Variants in ROBO2 observed in about 807,000 individuals in gnomAD.
ROBO2 encodes the protein roundabout homolog 2.
In ROBO2, 53 loss-of-function variants were observed where a neutral mutation model predicts 160.8. The ratio of observed to expected loss-of-function variants is 0.33; its 90% CI spans 0.26 to 0.41. The LOEUF is 0.41. ROBO2 is among the 10% of genes least tolerant of loss of function. ROBO2 has a pLI of 1.00. For missense variants in ROBO2, 1,577 were observed against 1,722.4 expected (o/e 0.92, Z 1.49); for synonymous variants, 664 against 611.7 (o/e 1.09, Z -1.26).
chr3:77,577,456 T>G (rs2153672888), intron 14 of ROBO2, 34 bp from the exon 16 acceptor site: 1 of 1,612,936 alleles, frequency 6.2e-7, no homozygotes, highest in Admixed American at 1.7e-5. Flanking sequence ...CCAAGGCTTA[T>G]AGTTTGCATT....
chr3:76,371,257 G>C (rs2076084849), intron 2 of ROBO2, among the ~76,000 whole-genome samples: 1 of 151,912 alleles, frequency 6.6e-6, no homozygotes, highest in Non-Finnish European at 1.5e-5. Context: ...AACCTTCTTT[G>C]GGTATCATGT....
At position 77,512,748 on chromosome 3, in the gene ROBO2, G is replaced by A. The variant is rs9879585; in HGVS notation, c.807-10027G>A. ...TTTCTGAAAGAGTCTGAAAGGTATA[G>A]GTTGACCTTCGGCTATTTGAATTGA... On this transcript the variant is annotated intron_variant, in intron 5 of 25. Coordinates refer to ENST00000461745, the Ensembl canonical transcript of ROBO2. Among the ~76,000 whole-genome samples the A allele has an allele frequency of 7.0e-3, 1,071 of 151,988 alleles. 6 individuals carry two copies. Among genetic ancestry groups the A allele is most frequent in the Non-Finnish European group, 0.01 (688 of 67,900 alleles).
chr3:76,264,201 C>T (rs542145677), intron 2 of ROBO2, among the ~76,000 whole-genome samples: 1 of 151,940 alleles, frequency 6.6e-6, no homozygotes, highest in African/African-American at 2.4e-5. Flanking sequence ...CAAACCTTCA[C>T]GTTCTGCACT....
chr3:77,172,000 GT>G (rs2079688484), intron 2 of ROBO2, among the ~76,000 whole-genome samples: 1 of 152,148 alleles, frequency 6.6e-6, no homozygotes, highest in Non-Finnish European at 1.5e-5. Context: ...AATTAATCAT[GT>G]TTAGGCTAAT....
At chr3:77,463,512 A>C (rs2082452669) in intron 2 of ROBO2, among the ~76,000 whole-genome samples, 1 of 152,036 alleles carries the variant, frequency 6.6e-6, no homozygotes, top group Admixed American at 6.6e-5. Context: ...ATTGACCCCA[A>C]GACATTAAGG....
At chr3:76,062,213 T>C (rs1230118137) in intron 2 of ROBO2, among the ~76,000 whole-genome samples, 2 of 152,096 alleles carry the variant, frequency 1.3e-5, no homozygotes, top group African/African-American at 4.8e-5. Context: ...AAAACAATCT[T>C]TGAAAGGCAT....
At chr3:76,261,166 T>TTGTG (rs1243564688) in intron 2 of ROBO2, among the ~76,000 whole-genome samples, 2 of 119,982 alleles carry the variant, frequency 1.7e-5, no homozygotes, top group African/African-American at 6.4e-5. Flanking sequence ...TTAAACTAAA[T>TTGTG]TATGTGTGTG....
At chr3:76,344,293 AT>A (rs1455306285) in intron 2 of ROBO2, among the ~76,000 whole-genome samples, 2 of 152,156 alleles carry the variant, frequency 1.3e-5, no homozygotes, top group African/African-American at 4.8e-5. Flanking sequence ...AATTTTGCAA[AT>A]ATTTATTAAC....
chr3:76,586,115 T>G (rs534020663), intron 2 of ROBO2, among the ~76,000 whole-genome samples: 1 of 152,174 alleles, frequency 6.6e-6, no homozygotes, highest in Non-Finnish European at 1.5e-5. Context: ...AACACCAGTA[T>G]TTTTTGTTAA....
At chr3:76,594,103 AG>A (rs1207268353) in intron 2 of ROBO2, among the ~76,000 whole-genome samples, 1 of 151,980 alleles carries the variant, frequency 6.6e-6, no homozygotes, top group African/African-American at 2.4e-5. Flanking sequence ...AGTTTAGAGT[AG>A]GGGGAATATC....
intron 1 of ROBO2, among the ~76,000 whole-genome samples, chr3:77,079,771 G>C (rs1457108501): frequency 1.3e-5 from 2 of 152,194 alleles, no homozygotes; most frequent in African/African-American, 4.8e-5. Flanking sequence ...GATCACAGTG[G>C]AACTTCTGTG....
Position 76,076,249 on chromosome 3 carries a change from A to G in ROBO2, c.109+138647A>G, listed in dbSNP as rs147785470. Reference sequence around the variant, plus strand: ...AGGTTATGTAAATCTATAACCATGTATCAGAGTTTTTTTGGTCTGAATTGC... The same window carrying G: ...AGGTTATGTAAATCTATAACCATGTGTCAGAGTTTTTTTGGTCTGAATTGC... On this transcript the variant is annotated intron_variant, in intron 2 of 26. Transcript: ENST00000487694. Among the ~76,000 whole-genome samples the G allele has an allele frequency of 1.9e-3, 287 of 152,332 alleles. 2 individuals are homozygous for G. Among genetic ancestry groups the G allele is most frequent in the South Asian group, 0.014 (69 of 4,830 alleles).
chr3:77,569,566 T>C (rs1248297238), intron 13 of ROBO2, among the ~76,000 whole-genome samples: 3 of 152,046 alleles, frequency 2.0e-5, no homozygotes, highest in Admixed American at 6.6e-5. Flanking sequence ...GTTTGTCTTC[T>C]TATTATAGAC....
chr3:76,543,238 T>C (rs1397673135), intron 2 of ROBO2, among the ~76,000 whole-genome samples: 1 of 152,148 alleles, frequency 6.6e-6, no homozygotes, highest in Non-Finnish European at 1.5e-5. Context: ...TGTCCCCAAA[T>C]TTATATGTAG....
At chr3:76,772,621 T>C (rs2061982259) in intron 2 of ROBO2, among the ~76,000 whole-genome samples, 1 of 150,870 alleles carries the variant, frequency 6.6e-6, no homozygotes. Context: ...TTGTTATTAC[T>C]GGATCTATTG....
intron 2 of ROBO2, among the ~76,000 whole-genome samples, chr3:77,117,380 A>G (rs1356549244): frequency 2.6e-5 from 4 of 152,178 alleles, no homozygotes; most frequent in African/African-American, 9.6e-5. Context: ...AATCTTTTAA[A>G]TTATAAACAA....
intron 1 of ROBO2, among the ~76,000 whole-genome samples, chr3:77,090,813 T>C (rs2070126113): frequency 6.6e-6 from 1 of 152,182 alleles, no homozygotes; most frequent in Non-Finnish European, 1.5e-5. Context: ...TGCTACTGTA[T>C]CTGTCATATC....
At chr3:76,179,574 C>A (rs1463449493) in intron 2 of ROBO2, among the ~76,000 whole-genome samples, 1 of 152,100 alleles carries the variant, frequency 6.6e-6, no homozygotes, top group African/African-American at 2.4e-5. Flanking sequence ...TATACATCAC[C>A]ATCTTCTGTT....
chr3:76,099,917 G>T (rs561016766), intron 2 of ROBO2, among the ~76,000 whole-genome samples: 1 of 152,140 alleles, frequency 6.6e-6, no homozygotes, highest in Non-Finnish European at 1.5e-5. Flanking sequence ...CAAATTTTCA[G>T]CAATCTTCTC....
Sources: allele counts gnomAD v4.1 joint callset (sites outside exome capture counted in the v4.1 genomes callset), GRCh38; gene constraint gnomAD v4.1.1; transcripts MANE v1.5; gene names NCBI Gene and HGNC (gene_info 2026-07-23, HGNC 2026-07-21).